KCNH8: variants seen among roughly 807,000 people sequenced by gnomAD.
KCNH8 encodes the protein voltage-gated delayed rectifier potassium channel KCNH8.
Under a neutral mutation model 103.6 loss-of-function variants are expected in KCNH8, and 70 were observed. The observed-to-expected ratio is 0.68, with a 90% CI of 0.56 to 0.82. KCNH8 has a LOEUF of 0.82. Among genes scored for constraint, KCNH8 ranks in the 40% least tolerant of loss-of-function variants. The pLI is 0.00. For missense variants in KCNH8, 1,217 were observed against 1,329.9 expected (o/e 0.92, Z 1.32); for synonymous variants, 498 against 489.4 (o/e 1.02, Z -0.23).
rs74475531 is a variant in KCNH8 at position 19,328,374 on chromosome 3, T to C, written c.443-14213T>C. 4.8e-4 allele frequency among the ~76,000 whole-genome samples: 73 copies of C among 152,312 alleles called. No individual in the cohort carries two copies. The East Asian group carries it at 0.014, about 28-fold the overall frequency. ...ATTTGTAACCTTGTATTTTAATCTA[T>C]TTGTTTCCAAACCGTTTCCATCAGT... On this transcript the variant is annotated intron_variant, in intron 3 of 15. Coordinates refer to ENST00000328405, the MANE Select transcript of KCNH8 (RefSeq NM_144633.3).
chr3:19,419,188 GGTTTTGGTTT>G (rs1245228552), intron 7 of KCNH8, among the ~76,000 whole-genome samples: 1,531 of 75,870 alleles, frequency 0.02, 153 homozygotes, highest in African/African-American at 0.062. Flanking sequence ...TAATTAAAAT[GGTTTTGGTTT>G]TTTTTTTTTT....
intron 5 of KCNH8, among the ~76,000 whole-genome samples, chr3:19,353,544 T>C (rs1383256269): frequency 6.6e-6 from 1 of 152,146 alleles, no homozygotes; most frequent in African/African-American, 2.4e-5. Flanking sequence ...CACGATCAAG[T>C]TGGCTTCATC....
intron 1 of KCNH8, among the ~76,000 whole-genome samples, chr3:19,234,561 C>T (rs2064037908): frequency 6.6e-6 from 1 of 152,242 alleles, no homozygotes; most frequent in African/African-American, 2.4e-5. Context: ...CCCTCGCCCA[C>T]GCGGAACTCC....
chr3:19,187,500 T>A (rs961384155), intron 1 of KCNH8, among the ~76,000 whole-genome samples: 1 of 152,060 alleles, frequency 6.6e-6, no homozygotes, highest in Non-Finnish European at 1.5e-5. Flanking sequence ...TCACCTCAGT[T>A]GATCACCCAC....
intron 1 of KCNH8, among the ~76,000 whole-genome samples, chr3:19,234,592 C>T (rs1255799172): frequency 1.3e-5 from 2 of 152,236 alleles, no homozygotes; most frequent in Non-Finnish European, 2.9e-5. Flanking sequence ...CAAGCACCGT[C>T]CGCAGGCCCG....
chr3:19,168,340 T>C (rs1422135235), intron 1 of KCNH8, among the ~76,000 whole-genome samples: 1 of 152,088 alleles, frequency 6.6e-6, no homozygotes, highest in Non-Finnish European at 1.5e-5. Flanking sequence ...TGTTCCCCAC[T>C]TCTATAATTC....
intron 3 of KCNH8, among the ~76,000 whole-genome samples, chr3:19,326,473 T>A (rs1048743619): frequency 6.6e-6 from 1 of 151,500 alleles, no homozygotes; most frequent in African/African-American, 2.4e-5. Flanking sequence ...ATGAAGTGTC[T>A]CTGGTACTTT....
intron 5 of KCNH8, among the ~76,000 whole-genome samples, chr3:19,376,046 C>A (rs1262313083): frequency 6.6e-6 from 1 of 151,792 alleles, no homozygotes; most frequent in Admixed American, 6.6e-5. Context: ...TTACTGCTGT[C>A]TTTTTGTTTG....
intron 11 of KCNH8, among the ~76,000 whole-genome samples, chr3:19,479,193 A>G (rs2068036945): frequency 6.6e-6 from 1 of 152,044 alleles, no homozygotes; most frequent in Non-Finnish European, 1.5e-5. Flanking sequence ...GCCTCCTACA[A>G]TATGAACTCA....
intron 15 of KCNH8, among the ~76,000 whole-genome samples, chr3:19,519,202 TC>T (rs2068929369): frequency 6.6e-6 from 1 of 151,916 alleles, no homozygotes; most frequent in South Asian, 2.1e-4. Context: ...ATCTTTGGTG[TC>T]CAGGGTAGAC....
At chr3:19,376,379 C>A (rs561743923) in intron 5 of KCNH8, among the ~76,000 whole-genome samples, 1 of 152,170 alleles carries the variant, frequency 6.6e-6, no homozygotes, top group African/African-American at 2.4e-5. Context: ...CGTCTGTCAC[C>A]CCTTTCTTTG....
intron 5 of KCNH8, among the ~76,000 whole-genome samples, chr3:19,377,461 T>G (rs1301024412): frequency 6.6e-6 from 1 of 152,202 alleles, no homozygotes; most frequent in East Asian, 1.9e-4. Flanking sequence ...TAGGGACAAT[T>G]TCTTTTTATC....
At chr3:19,341,947 C>T (rs995333073) in intron 3 of KCNH8, among the ~76,000 whole-genome samples, 6 of 151,978 alleles carry the variant, frequency 3.9e-5, no homozygotes, top group Non-Finnish European at 7.4e-5. Flanking sequence ...AAACTGTATG[C>T]ATTTAAGAAT....
At chr3:19,383,738 AC>A (rs1240865246) in intron 5 of KCNH8, among the ~76,000 whole-genome samples, 20 of 152,208 alleles carry the variant, frequency 1.3e-4, no homozygotes, top group African/African-American at 4.8e-4. Flanking sequence ...GAAATTAATA[AC>A]CCCCATTGTG....
At chr3:19,219,825 A>C (rs1232160376) in intron 1 of KCNH8, among the ~76,000 whole-genome samples, 1 of 152,180 alleles carries the variant, frequency 6.6e-6, no homozygotes, top group Non-Finnish European at 1.5e-5. Context: ...GCAATCACTG[A>C]GGCTTCTAGA....
At chr3:19,455,247 A>G (rs1031612676) in intron 10 of KCNH8, among the ~76,000 whole-genome samples, 16 of 152,132 alleles carry the variant, frequency 1.1e-4, no homozygotes, top group Admixed American at 9.2e-4. Context: ...ATGTCCAGGT[A>G]ATAGTGTTTC....
chr3:19,438,487 T>G, intron 8 of KCNH8, 126 bp downstream of exon 8: 1 of 793,626 alleles, frequency 1.3e-6, no homozygotes, highest in Non-Finnish European at 2.0e-6. Flanking sequence ...CTAAAAGCAC[T>G]AATTAGACAG....
At chr3:19,450,463 T>G in intron 9 of KCNH8, 158 bp downstream of exon 9, 1 of 651,184 alleles carries the variant, frequency 1.5e-6, no homozygotes, top group East Asian at 2.8e-5. Flanking sequence ...CTTCTTTCAC[T>G]TGCTTTGGCT....
intron 1 of KCNH8, among the ~76,000 whole-genome samples, chr3:19,183,803 A>T (rs990949345): frequency 6.6e-6 from 1 of 152,170 alleles, no homozygotes; most frequent in Non-Finnish European, 1.5e-5. Context: ...TTCACAGAGG[A>T]GGAAACTCTA....
Sources: gnomAD v4.1 joint callset for allele counts (sites outside exome capture counted in the v4.1 genomes callset) on GRCh38, gnomAD v4.1.1 for gene constraint, MANE v1.5 for transcripts, NCBI Gene and HGNC (gene_info 2026-07-23, HGNC 2026-07-21) for gene names.